KCNH7: variants seen among roughly 807,000 people sequenced by gnomAD.
KCNH7 encodes potassium voltage-gated channel subfamily H member 7.
In KCNH7, 49 loss-of-function variants were observed where a neutral mutation model predicts 120.8. The observed-to-expected ratio is 0.41, with a 90% CI of 0.32 to 0.51. KCNH7 has a LOEUF of 0.51. Among genes scored for constraint, KCNH7 ranks in the 20% least tolerant of loss-of-function variants. KCNH7 has a pLI of 0.38. For missense variants in KCNH7, 1,097 were observed against 1,446.6 expected, an observed-to-expected ratio of 0.76 and a Z score of 3.92; for synonymous variants, 547 against 516.1, an observed-to-expected ratio of 1.06 and a Z score of -0.81.
chr2:162,476,852 T>C (rs145215129), intron 6 of KCNH7, among the ~76,000 whole-genome samples: 257 of 152,300 alleles, frequency 1.7e-3, no homozygotes, highest in African/African-American at 6.1e-3. Context: ...ACACAGCTTC[T>C]CAGATGTTAA....
At chr2:162,835,270 C>T (rs1381837406) in intron 2 of KCNH7, among the ~76,000 whole-genome samples, 2 of 152,046 alleles carry the variant, frequency 1.3e-5, no homozygotes, top group South Asian at 2.1e-4. Flanking sequence ...TTTGTAACCA[C>T]TCAACTTCAT....
rs142053449 is a variant in KCNH7 at position 162,683,284 on chromosome 2, C to T, written c.308-146204G>A. Among the ~76,000 whole-genome samples, 932 of 151,904 alleles carry T rather than the reference C, an allele frequency of 6.1e-3. 15 individuals are homozygous for T. Among genetic ancestry groups the T allele is most frequent in the African/African-American group, 0.021 (878 of 41,488 alleles). On this transcript the variant is annotated intron_variant, in intron 2 of 15. Transcript: ENST00000332142. The stretch of plus-strand genomic sequence containing the variant: ...GTACATCTCTTATTCAGTAACAAAG[C>T]ACAGAATTTCCTATTCAGAGAGGGT...
At chr2:162,712,532 GC>G (rs1686963726) in intron 2 of KCNH7, among the ~76,000 whole-genome samples, 2 of 152,130 alleles carry the variant, frequency 1.3e-5, no homozygotes, top group South Asian at 4.2e-4. Context: ...ACTCAGAATG[GC>G]TTAAAATAAT....
intron 2 of KCNH7, chr2:162,795,732 T>C (rs956386729): frequency 2.0e-5 from 3 of 152,182 alleles, no homozygotes; most frequent in East Asian, 1.9e-4. Flanking sequence ...ATACCAAATA[T>C]GAGTACACAT....
At chr2:162,725,389 C>A (rs1209862662) in intron 2 of KCNH7, among the ~76,000 whole-genome samples, 1 of 152,010 alleles carries the variant, frequency 6.6e-6, no homozygotes, top group Non-Finnish European at 1.5e-5. Context: ...TTCTTTAGGG[C>A]AGAATTTTTC....
At chr2:162,651,854 C>T (rs1184703237) in intron 2 of KCNH7, among the ~76,000 whole-genome samples, 1 of 152,188 alleles carries the variant, frequency 6.6e-6, no homozygotes, top group Admixed American at 6.5e-5. Context: ...TCTGCATCCT[C>T]ACCAGCATCT....
intron 2 of KCNH7, among the ~76,000 whole-genome samples, chr2:162,558,295 C>T (rs1387644904): frequency 3.3e-5 from 5 of 152,104 alleles, no homozygotes; most frequent in Admixed American, 1.3e-4. Flanking sequence ...CTGCCTCAGC[C>T]TCCTGAGTAG....
intron 2 of KCNH7, among the ~76,000 whole-genome samples, chr2:162,697,834 T>A (rs1371634004): frequency 6.6e-6 from 1 of 152,190 alleles, no homozygotes; most frequent in East Asian, 1.9e-4. Context: ...TTGCCTCATC[T>A]TAATTCCTCC....
chr2:162,609,795 C>A (rs1682899984), intron 2 of KCNH7, among the ~76,000 whole-genome samples: 1 of 152,088 alleles, frequency 6.6e-6, no homozygotes, highest in Non-Finnish European at 1.5e-5. Flanking sequence ...CCTGAATAGT[C>A]AACAATTTGA....
chr2:162,563,214 C>T (rs550542952), intron 2 of KCNH7, among the ~76,000 whole-genome samples: 9 of 152,272 alleles, frequency 5.9e-5, no homozygotes, highest in African/African-American at 1.9e-4. Context: ...CTTCATCTGA[C>T]TACTCAATTA....
chr2:162,684,987 G>A lies in KCNH7; in HGVS notation c.308-147907C>T, dbSNP rs2389756. On this transcript the variant is annotated intron_variant, in intron 2 of 15. Coordinates refer to ENST00000332142, the MANE Select transcript of KCNH7 (RefSeq NM_033272.4). ...TGATAGACTGGATAAAGAAAATGCG[G>A]CATATATATACCATGGAATACTATG... Among the ~76,000 whole-genome samples the A allele has an allele frequency of 8.8e-4, 134 of 152,220 alleles. 2 individuals are homozygous for A. In the East Asian group the frequency reaches 0.024, roughly 27 times the overall value.
At chr2:162,564,376 G>C (rs1693174805) in intron 2 of KCNH7, among the ~76,000 whole-genome samples, 1 of 152,150 alleles carries the variant, frequency 6.6e-6, no homozygotes, top group Non-Finnish European at 1.5e-5. Flanking sequence ...CGTTAGCGTA[G>C]ACCTTGAAAG....
At chr2:162,395,136 G>A (rs1007104119) in intron 11 of KCNH7, among the ~76,000 whole-genome samples, 23 of 151,630 alleles carry the variant, frequency 1.5e-4, no homozygotes, top group African/African-American at 4.4e-4. Flanking sequence ...TACATTATTG[G>A]TAAGGCTTCT....
intron 2 of KCNH7, among the ~76,000 whole-genome samples, chr2:162,688,346 C>A (rs1026612624): frequency 2.8e-4 from 43 of 152,044 alleles, no homozygotes; most frequent in African/African-American, 1.0e-3. Context: ...GTTTTTCACC[C>A]ATAAAGCTCT....
At chr2:162,373,110 G>C (rs1686023063) in intron 15 of KCNH7, among the ~76,000 whole-genome samples, 1 of 152,048 alleles carries the variant, frequency 6.6e-6, no homozygotes, top group Non-Finnish European at 1.5e-5. Context: ...TTGGGACCCA[G>C]ATTTTTCCTT....
chr2:162,735,919 C>G (rs888421525), intron 2 of KCNH7, among the ~76,000 whole-genome samples: 3 of 152,108 alleles, frequency 2.0e-5, no homozygotes, highest in Non-Finnish European at 2.9e-5. Flanking sequence ...TTAGAGTTAG[C>G]TGAGAGAAGG....
At position 162,371,536 on chromosome 2, in the gene KCNH7, G is replaced by A. The variant is rs139708686; in HGVS notation, c.*293C>T. 2.0e-3 allele frequency: 2,069 copies of A among 1,046,374 alleles called. 2 individuals are homozygous for A. Among genetic ancestry groups the A allele is most frequent in the Non-Finnish European group, 2.1e-3 (1,677 of 810,486 alleles). 64.8% of individuals were successfully genotyped at this position (1,046,374 alleles called of 1,614,324 possible). A position where few individuals can be genotyped will look rare whatever the true frequency, so the allele number is the denominator to read the frequency against. On this transcript the variant is annotated 3_prime_UTR_variant, in exon 16 of 16. Coordinates refer to ENST00000332142, the MANE Select transcript of KCNH7 (RefSeq NM_033272.4). ...AAAAGCAGTAAATAGGAGTCTCCATGCAAGAGAAATTGGAGTTTCCTAACA... is the reference window on the plus strand; with the variant it reads ...AAAAGCAGTAAATAGGAGTCTCCATACAAGAGAAATTGGAGTTTCCTAACA...
In KCNH7 at chr2:162,778,985, C is replaced by T. The variant is rs16847300; in HGVS notation, c.307+57552G>A. On this transcript the variant is annotated intron_variant, in intron 2 of 15. Transcript: ENST00000332142. ...TTGTCTTTCTGAGGGGTTCATCTGC[C>T]TAGGTCATTCAAACGCAATTTTAGT... Among the ~76,000 whole-genome samples, 1,197 of 149,534 alleles carry T rather than the reference C, an allele frequency of 8.0e-3. 22 individuals carry two copies. The highest frequency in any genetic ancestry group is 0.029 in the African/African-American group (1,151 of 40,378).
chr2:162,661,223 G>A (rs2105278199), intron 2 of KCNH7, among the ~76,000 whole-genome samples: 2 of 152,076 alleles, frequency 1.3e-5, no homozygotes, highest in South Asian at 4.2e-4. Flanking sequence ...AAACTCTTTG[G>A]GTCTTCACCT....
Sources: allele counts gnomAD v4.1 joint callset (sites outside exome capture counted in the v4.1 genomes callset), GRCh38; gene constraint gnomAD v4.1.1; transcripts MANE v1.5; gene names NCBI Gene and HGNC (gene_info 2026-07-23, HGNC 2026-07-21).